IQCM: variants seen among roughly 807,000 people sequenced by gnomAD.
The protein encoded by IQCM is IQ motif containing M.
In IQCM, 45 loss-of-function variants were observed where a neutral mutation model predicts 57.6. The observed-to-expected ratio is 0.78, with a 90% CI of 0.62 to 1.00. The LOEUF is 1.00. Ranked by LOEUF, IQCM falls within the 50% of genes least tolerant of loss-of-function variation. IQCM has a pLI of 0.00. For synonymous variants in IQCM, 148 were observed against 158.9 expected (o/e 0.93, Z 0.51); for missense variants, 468 against 511.6 (o/e 0.91, Z 0.82).
At chr4:149,558,701 T>TG (rs1749822381) in intron 10 of IQCM, among the ~76,000 whole-genome samples, 1 of 152,170 alleles carries the variant, frequency 6.6e-6, no homozygotes, top group South Asian at 2.1e-4. Context: ...GAGCATCACC[T>TG]GGGGGAAGAG....
chr4:149,537,099 T>C (rs547639173), intron 12 of IQCM, among the ~76,000 whole-genome samples: 1 of 152,040 alleles, frequency 6.6e-6, no homozygotes, highest in South Asian at 2.1e-4. Flanking sequence ...CCCATACTTA[T>C]ATGAAAAGGA....
intron 2 of IQCM, among the ~76,000 whole-genome samples, chr4:149,789,768 G>T (rs777935336): frequency 1.5e-4 from 23 of 152,118 alleles, no homozygotes; most frequent in Middle Eastern, 3.4e-3. Context: ...TGAGCATGGT[G>T]TTACACGCCT....
At chr4:149,571,817 T>G (rs898306654) in intron 9 of IQCM, among the ~76,000 whole-genome samples, 2 of 152,008 alleles carry the variant, frequency 1.3e-5, no homozygotes, top group African/African-American at 4.8e-5. Flanking sequence ...CTGAACAAAC[T>G]TACACAGTCA....
chr4:149,694,218 CTTTTTT>C (rs70965195), intron 5 of IQCM, among the ~76,000 whole-genome samples: 1 of 94,810 alleles, frequency 1.1e-5, no homozygotes, highest in East Asian at 3.1e-4. Context: ...GGATTAATTT[CTTTTTT>C]TTTTTTTTTT....
At chr4:149,701,150 A>G (rs1763740727) in intron 5 of IQCM, among the ~76,000 whole-genome samples, 2 of 152,038 alleles carry the variant, frequency 1.3e-5, no homozygotes, top group Admixed American at 1.3e-4. Flanking sequence ...TATTTTGAGA[A>G]CTGAAAGAAT....
At chr4:149,528,035 G>T (rs886974756) in intron 12 of IQCM, among the ~76,000 whole-genome samples, 5 of 151,376 alleles carry the variant, frequency 3.3e-5, no homozygotes, top group African/African-American at 4.9e-5. Flanking sequence ...GCCCAGGCTG[G>T]AGTGCAGTGG....
chr4:149,677,876 A>T (rs1761883955), intron 7 of IQCM, among the ~76,000 whole-genome samples: 1 of 151,930 alleles, frequency 6.6e-6, no homozygotes, highest in South Asian at 2.1e-4. Context: ...GAAACTGATA[A>T]ATATATTTGC....
chr4:149,575,625 C>A (rs1157919754), intron 9 of IQCM, among the ~76,000 whole-genome samples: 1 of 151,768 alleles, frequency 6.6e-6, no homozygotes, highest in Non-Finnish European at 1.5e-5. Flanking sequence ...AAAACAAGTG[C>A]CCTCCTATTT....
rs1560778919 is a variant in IQCM, at chr4:149,368,807, T to TATATATATACATATATACAC, written c.1391-16742_1391-16741insGTGTATATATGTATATATAT. On this transcript the variant is annotated intron_variant, in intron 13 of 13. Coordinates refer to ENST00000636793, the MANE Select transcript of IQCM (RefSeq NM_001363507.2). ...ATGTATATATATACATATATATACA[T>TATATATATACATATATACAC]GTATATATATACATATATATACATG... Among the ~76,000 whole-genome samples the TATATATATACATATATACAC allele has an allele frequency of 1.3e-4, 9 of 68,556 alleles. 2 individuals carry two copies. Among genetic ancestry groups the TATATATATACATATATACAC allele is most frequent in the African/African-American group, 5.6e-4 (8 of 14,384 alleles). The allele number at this position is 68,556 out of a possible 152,430, so 45.0% of individuals were successfully genotyped here.
chr4:149,367,469 A>G lies in IQCM; in HGVS notation c.1391-15403T>C, dbSNP rs536127786. On this transcript the variant is annotated intron_variant, in intron 13 of 13. Coordinates refer to ENST00000636793, the MANE Select transcript of IQCM (RefSeq NM_001363507.2). ...ATTTTGACTTATTTACTCAAGAGGA[A>G]TCTCTTGAAATCTATCCAAGCCAAC... Among the ~76,000 whole-genome samples, 262 of 152,104 alleles carry G rather than the reference A, an allele frequency of 1.7e-3. 1 individual carries two copies. The highest frequency in any genetic ancestry group is 6.0e-3 in the African/African-American group (248 of 41,540).
intron 13 of IQCM, among the ~76,000 whole-genome samples, chr4:149,422,622 C>T (rs1023247116): frequency 3.3e-5 from 5 of 151,914 alleles, no homozygotes; most frequent in Non-Finnish European, 7.4e-5. Context: ...TGTGTGCGCA[C>T]GCATGTGTGC....
At chr4:149,448,087 T>C (rs956976883) in intron 12 of IQCM, among the ~76,000 whole-genome samples, 3 of 151,694 alleles carry the variant, frequency 2.0e-5, no homozygotes, top group Non-Finnish European at 3.0e-5. Flanking sequence ...TTCTCGTCAA[T>C]TGTACACAGA....
At chr4:149,613,262 C>A (rs1228225045) in intron 8 of IQCM, among the ~76,000 whole-genome samples, 1 of 151,792 alleles carries the variant, frequency 6.6e-6, no homozygotes, top group Non-Finnish European at 1.5e-5. Context: ...AAAAAATGAG[C>A]AAATATGTTT....
chr4:149,726,135 G>GAAAGA (rs1290009820), intron 5 of IQCM, among the ~76,000 whole-genome samples: 123 of 145,862 alleles, frequency 8.4e-4, no homozygotes, highest in Middle Eastern at 7.0e-3. Flanking sequence ...AAGAAAGAAA[G>GAAAGA]AAAGAAAAGA....
At chr4:149,557,159 A>G (rs533730980) in intron 10 of IQCM, among the ~76,000 whole-genome samples, 1 of 152,250 alleles carries the variant, frequency 6.6e-6, no homozygotes, top group East Asian at 1.9e-4. Flanking sequence ...GATTAGCTCT[A>G]TTAGCGTCAG....
intron 10 of IQCM, among the ~76,000 whole-genome samples, chr4:149,555,233 TA>T (rs890129612): frequency 7.9e-5 from 12 of 151,960 alleles, no homozygotes; most frequent in African/African-American, 2.9e-4. Context: ...TTTTGTCTTT[TA>T]AAAAAAATAA....
chr4:149,575,866 CATG>C (rs10608457), intron 9 of IQCM, among the ~76,000 whole-genome samples: 147,235 of 151,756 alleles, frequency 0.97, 71,537 homozygotes, highest in East Asian at 1. Flanking sequence ...TTTCCAGGCG[CATG>C]ATATCATGTC....
intron 12 of IQCM, among the ~76,000 whole-genome samples, chr4:149,466,447 G>T (rs745828794): frequency 6.6e-6 from 1 of 152,088 alleles, no homozygotes; most frequent in Non-Finnish European, 1.5e-5. Context: ...ACTCAAATCT[G>T]TGCATTACAC....
chr4:149,444,055 A>C (rs1207272507), intron 12 of IQCM, among the ~76,000 whole-genome samples: 1 of 151,886 alleles, frequency 6.6e-6, no homozygotes, highest in Non-Finnish European at 1.5e-5. Flanking sequence ...GATAAAGCTA[A>C]ATTCCCAGTG....
Sources: allele counts gnomAD v4.1 joint callset (sites outside exome capture counted in the v4.1 genomes callset), GRCh38; gene constraint gnomAD v4.1.1; transcripts MANE v1.5; gene names NCBI Gene and HGNC (gene_info 2026-07-23, HGNC 2026-07-21).